Variants in UBE2K observed in about 807,000 individuals in gnomAD.
The protein encoded by UBE2K is ubiquitin conjugating enzyme E2 K.
In UBE2K, 6 loss-of-function variants were observed where a neutral mutation model predicts 30.0. The ratio of observed to expected loss-of-function variants is 0.20; its 90% confidence interval spans 0.11 to 0.39. The LOEUF is 0.39. Among genes scored for constraint, UBE2K ranks in the 10% least tolerant of loss-of-function variants. The pLI is 1.00. For missense variants in UBE2K, 61 were observed against 241.6 expected (o/e 0.25, Z 4.96); for synonymous variants, 86 against 83.7 (o/e 1.03, Z -0.15).
At position 39,708,921 on chromosome 4, in the gene UBE2K, C is replaced by CT. The variant is rs200755048; in HGVS notation, c.63+10546dup. Among the ~76,000 whole-genome samples the CT allele has an allele frequency of 7.1e-3, 980 of 138,188 alleles. 6 individuals carry two copies. The highest frequency in any genetic ancestry group is 9.4e-3 in the Non-Finnish European group (594 of 63,020). The allele number at this position is 138,188 out of a possible 152,430, so 90.7% of individuals were successfully genotyped here. ...GATAACAATGCAGTATTATTTGTGTCTTTTTTTTTTTTTTTCCTCTTAGTA... is the reference window on the plus strand; with the variant it reads ...GATAACAATGCAGTATTATTTGTGTCTTTTTTTTTTTTTTTTCCTCTTAGTA... On this transcript the variant is annotated intron_variant, in intron 1 of 6. Transcript: ENST00000261427.
At chr4:39,748,251 G>T (rs932273907) in intron 3 of UBE2K, among the ~76,000 whole-genome samples, 1 of 151,868 alleles carries the variant, frequency 6.6e-6, no homozygotes, top group Non-Finnish European at 1.5e-5. Context: ...TAGAGACAGG[G>T]TCTTACTCTG....
chr4:39,719,185 A>G (rs1344623001), intron 1 of UBE2K, among the ~76,000 whole-genome samples: 1 of 152,148 alleles, frequency 6.6e-6, no homozygotes, highest in Non-Finnish European at 1.5e-5. Context: ...ATTGCTTGCT[A>G]TTTAGTTGTT....
chr4:39,699,403 C>T (rs944530969), intron 1 of UBE2K, among the ~76,000 whole-genome samples: 6 of 152,132 alleles, frequency 3.9e-5, no homozygotes, highest in Non-Finnish European at 8.8e-5. Flanking sequence ...CACGACTTAA[C>T]AGATTTTCAA....
intron 2 of UBE2K, 138 bp from the exon 3 acceptor site, chr4:39,745,614 T>C (rs1720948986): frequency 1.6e-6 from 1 of 632,686 alleles, no homozygotes; most frequent in Non-Finnish European, 2.7e-6. Context: ...TTTTGATTAC[T>C]TTCTTTCTGG....
chr4:39,755,543 G>A, intron 3 of UBE2K, 114 bp from the exon 4 acceptor site: 2 of 739,800 alleles, frequency 2.7e-6, no homozygotes, highest in South Asian at 1.7e-5. Context: ...GCAAAATGAT[G>A]TAATAGATAT....
chr4:39,751,162 C>T (rs960145388), intron 3 of UBE2K, among the ~76,000 whole-genome samples: 8 of 151,616 alleles, frequency 5.3e-5, no homozygotes, highest in Middle Eastern at 3.4e-3. Flanking sequence ...AGGCTGGTCT[C>T]GAACTCCTGA....
At chr4:39,770,809 T>C in intron 4 of UBE2K, 1 of 1,555,382 alleles carries the variant, frequency 6.4e-7, no homozygotes, top group Non-Finnish European at 8.7e-7. Flanking sequence ...GACTCCACCT[T>C]GACGATGCAG....
At chr4:39,769,758 C>T (rs1246851849) in intron 4 of UBE2K, among the ~76,000 whole-genome samples, 1 of 134,536 alleles carries the variant, frequency 7.4e-6, no homozygotes, top group Non-Finnish European at 1.5e-5. Flanking sequence ...ACATTTTTGT[C>T]TTCCCTCGTT....
At chr4:39,732,170 A>C (rs1454773247) in intron 1 of UBE2K, among the ~76,000 whole-genome samples, 2 of 152,190 alleles carry the variant, frequency 1.3e-5, no homozygotes, top group African/African-American at 4.8e-5. Context: ...TATATACTTT[A>C]TTCGTTAAAT....
At chr4:39,755,159 C>A (rs1473489772) in intron 3 of UBE2K, among the ~76,000 whole-genome samples, 1 of 152,132 alleles carries the variant, frequency 6.6e-6, no homozygotes, top group African/African-American at 2.4e-5. Flanking sequence ...ATAGGCATTT[C>A]AATAATAAGA....
intron 1 of UBE2K, among the ~76,000 whole-genome samples, chr4:39,723,818 A>C (rs780124703): frequency 6.6e-6 from 1 of 152,150 alleles, no homozygotes; most frequent in Non-Finnish European, 1.5e-5. Flanking sequence ...TTTTTTAAAA[A>C]ATATATTTTT....
rs369228891 is a variant in UBE2K, at chr4:39,724,162, C to T, written c.64-13258C>T. Among the ~76,000 whole-genome samples, 17 of 147,948 alleles carry T rather than the reference C, an allele frequency of 1.1e-4. No individual in the cohort carries two copies. The East Asian group carries it at 1.6e-3, about 14-fold the overall frequency. ...TAATTGTTGTCACCAGGCTGGAGTA[C>T]GGTGGCACAATCATGGCTTACTACA... On this transcript the variant is annotated intron_variant, in intron 1 of 6. Transcript: ENST00000261427.
At chr4:39,709,879 CCTGAAACTAGACCAAAGAAT>C (rs1718575927) in intron 1 of UBE2K, among the ~76,000 whole-genome samples, 2 of 151,986 alleles carry the variant, frequency 1.3e-5, no homozygotes, top group African/African-American at 4.8e-5. Context: ...CTCTGGGTTT[CCTGAAACTAGACCAAAGAAT>C]CTAGATTCTA....
chr4:39,768,364 T>C (rs1712488890), intron 4 of UBE2K, among the ~76,000 whole-genome samples: 1 of 150,136 alleles, frequency 6.7e-6, no homozygotes, highest in Non-Finnish European at 1.5e-5. Flanking sequence ...GAAGAATTGC[T>C]TGAACCTGGG....
intron 4 of UBE2K, chr4:39,760,873 T>A (rs894024373): frequency 2.0e-5 from 3 of 152,228 alleles, no homozygotes; most frequent in African/African-American, 7.2e-5. Flanking sequence ...GAAGTGAGGC[T>A]TTGTAATGCT....
In UBE2K at chr4:39,745,771, G is replaced by A. The variant is rs776134278; in HGVS notation, c.177G>A (p.Glu59=). ...TPYEGGRYQL[E]IKIPETYPFN... Reference sequence around the variant, plus strand: ...TTTTAGGAGGAAGATACCAACTAGAGATAAAAATACCAGAAACATACCCAT... The same window carrying A: ...TTTTAGGAGGAAGATACCAACTAGAAATAAAAATACCAGAAACATACCCAT... The change falls in exon 3 of 7, where the codon GAG becomes GAA. Residue 59 remains glutamate (E), a synonymous_variant. Transcript: ENST00000261427. 2.5e-6 allele frequency: 4 copies of A among 1,607,448 alleles called. No homozygotes were observed. The highest frequency in any genetic ancestry group is 2.5e-6 in the Non-Finnish European group (3 of 1,176,798).
chr4:39,729,275 C>T (rs1719941433), intron 1 of UBE2K, among the ~76,000 whole-genome samples: 1 of 152,078 alleles, frequency 6.6e-6, no homozygotes. Flanking sequence ...CCGGTCTTTC[C>T]TATCTTTCTG....
At chr4:39,734,718 G>A (rs1481812666) in intron 1 of UBE2K, among the ~76,000 whole-genome samples, 1 of 152,144 alleles carries the variant, frequency 6.6e-6, no homozygotes, top group Admixed American at 6.5e-5. Context: ...AGGCCGAGGT[G>A]GGAGAATCAC....
At chr4:39,723,388 A>C (rs1357430878) in intron 1 of UBE2K, among the ~76,000 whole-genome samples, 1 of 111,456 alleles carries the variant, frequency 9.0e-6, no homozygotes, top group Non-Finnish European at 1.7e-5. Context: ...TTTTTCCTTC[A>C]GACTGAGTCT....
Sources: gnomAD v4.1 joint callset for allele counts (sites outside exome capture counted in the v4.1 genomes callset) on GRCh38, gnomAD v4.1.1 for gene constraint, MANE v1.5 for transcripts, NCBI Gene and HGNC (gene_info 2026-07-23, HGNC 2026-07-21) for gene names.